EXOC1: variants seen among roughly 807,000 people sequenced by gnomAD.
The protein encoded by EXOC1 is SEC3-like 1.
EXOC1 carries 67 observed loss-of-function variants against 107.7 expected under a neutral mutation model. That is an observed-to-expected ratio of 0.62 (90% CI 0.51 to 0.76). The LOEUF is 0.76. Ranked by LOEUF, EXOC1 falls within the 30% of genes least tolerant of loss-of-function variation. EXOC1 has a pLI of 0.00. For missense variants in EXOC1, 833 were observed against 1,055.7 expected (o/e 0.79, Z 2.92); for synonymous variants, 348 against 353.5 (o/e 0.98, Z 0.17).
intron 12 of EXOC1, among the ~76,000 whole-genome samples, chr4:55,890,722 A>G (rs1246717499): frequency 6.6e-6 from 1 of 152,032 alleles, no homozygotes; most frequent in Non-Finnish European, 1.5e-5. Flanking sequence ...ACTAAATTAA[A>G]TAAGTTTTTT....
intron 4 of EXOC1, chr4:55,866,864 C>T: frequency 2.0e-6 from 2 of 985,208 alleles, no homozygotes; most frequent in Non-Finnish European, 2.4e-6. Context: ...ATACTTTTTA[C>T]TCTCCAGAAC....
At chr4:55,860,990 A>G (rs1355552500) in intron 3 of EXOC1, among the ~76,000 whole-genome samples, 1 of 151,846 alleles carries the variant, frequency 6.6e-6, no homozygotes, top group Admixed American at 6.6e-5. Context: ...ATAGTGGGTT[A>G]CATACCTTAT....
At position 55,896,858 on chromosome 4, in the gene EXOC1, G is replaced by T; in HGVS notation, c.2095G>T (p.Asp699Tyr). 1 of 1,609,138 alleles carries T rather than the reference G, an allele frequency of 6.2e-7. No individual in the cohort carries two copies. The highest frequency in any genetic ancestry group is 1.3e-5 in the African/African-American group (1 of 74,654). The change falls in exon 16 of 19, where the codon GAT becomes TAT. Residue 699 changes from aspartate (D) to tyrosine (Y), a missense_variant. This residue lies in a region of EXOC1 where 216 missense variants were observed against 354.4 expected (regional missense o/e 0.61). Coordinates refer to ENST00000381295, the MANE Select transcript of EXOC1 (RefSeq NM_001024924.2). ...AAATGCTGAGCGTCGTGGAGACCTGGATAAAGCATACACCAAACTTATCAG... is the reference window on the plus strand; with the variant it reads ...AAATGCTGAGCGTCGTGGAGACCTGTATAAAGCATACACCAAACTTATCAG... ...FKNAERRGDL[D>Y]KAYTKLIRGV... is the part of the protein sequence containing the mutation.
Position 55,899,669 on chromosome 4 carries a change from T to A in EXOC1, c.2138-16T>A. ...TACTCAGAGATGTTATTTTATTTTT[T>A]CTGTTTTGGTTTTAGTGGAGAAAGT... On this transcript the variant is annotated splice_polypyrimidine_tract_variant and intron_variant, in intron 16 of 18. Transcript: ENST00000381295. 6.3e-7 allele frequency: 1 copy of A among 1,596,504 alleles called. No homozygotes were observed. Among genetic ancestry groups the A allele is most frequent in the Non-Finnish European group, 8.5e-7 (1 of 1,173,214 alleles).
At chr4:55,900,853 G>A (rs926025753) in intron 17 of EXOC1, among the ~76,000 whole-genome samples, 1 of 152,112 alleles carries the variant, frequency 6.6e-6, no homozygotes, top group East Asian at 1.9e-4. Flanking sequence ...GCTCCAGCCT[G>A]GGCGACAGAG....
At chr4:55,863,488 G>A (rs935553089) in intron 3 of EXOC1, among the ~76,000 whole-genome samples, 8 of 152,024 alleles carry the variant, frequency 5.3e-5, no homozygotes, top group African/African-American at 1.4e-4. Context: ...GTATGTGTCC[G>A]TGTCCCCAGC....
chr4:55,894,946 G>A (rs978633596), intron 15 of EXOC1, among the ~76,000 whole-genome samples: 1 of 152,054 alleles, frequency 6.6e-6, no homozygotes, highest in African/African-American at 2.4e-5. Flanking sequence ...ATACTTGTAT[G>A]TATGAATTGG....
At chr4:55,863,746 C>A (rs1327040182) in intron 3 of EXOC1, among the ~76,000 whole-genome samples, 3 of 152,122 alleles carry the variant, frequency 2.0e-5, no homozygotes, top group Non-Finnish European at 4.4e-5. Context: ...GAAAGTACAC[C>A]AGGATATACA....
At chr4:55,878,760 C>T (rs1163651450) in intron 9 of EXOC1, among the ~76,000 whole-genome samples, 1 of 152,124 alleles carries the variant, frequency 6.6e-6, no homozygotes, top group Non-Finnish European at 1.5e-5. Context: ...GGGAAAAATA[C>T]ACGCTTGTCC....
intron 2 of EXOC1, among the ~76,000 whole-genome samples, chr4:55,859,658 A>G (rs1577688390): frequency 6.6e-6 from 1 of 152,178 alleles, no homozygotes; most frequent in Non-Finnish European, 1.5e-5. Context: ...ATTTTCAAGC[A>G]TGGTATTTGG....
chr4:55,883,803 C>G lies in EXOC1; in HGVS notation c.1225-20C>G, dbSNP rs749766572. On this transcript the variant is annotated intron_variant, in intron 9 of 18. Coordinates refer to ENST00000381295, the MANE Select transcript of EXOC1 (RefSeq NM_001024924.2). ...ATATGTGTTTTATTAATAAGAAGTA[C>G]ATGTTACTTTTATTTTAAGAATTAC... 7.7e-6 allele frequency: 11 copies of G among 1,433,592 alleles called. No individual in the cohort carries two copies. The highest frequency in any genetic ancestry group is 1.5e-5 in the African/African-American group (1 of 68,428). The allele number at this position is 1,433,592 out of a possible 1,614,324, so 88.8% of individuals were successfully genotyped here.
intron 15 of EXOC1, among the ~76,000 whole-genome samples, chr4:55,895,843 T>C (rs1725141928): frequency 1.3e-5 from 2 of 152,232 alleles, no homozygotes; most frequent in South Asian, 4.1e-4. Context: ...AATTAAATAA[T>C]GCAAATCCAT....
intron 8 of EXOC1, 160 bp from the exon 9 acceptor site, chr4:55,877,757 T>C: frequency 1.0e-6 from 1 of 984,338 alleles, no homozygotes; most frequent in Non-Finnish European, 1.2e-6. Flanking sequence ...ATAAAAGTTG[T>C]GTAAGTATTT....
At chr4:55,860,314 A>C in intron 2 of EXOC1, 97 bp from the exon 3 acceptor site, 1 of 1,478,332 alleles carries the variant, frequency 6.8e-7, no homozygotes, top group Non-Finnish European at 9.2e-7. Flanking sequence ...TTTTAGTATC[A>C]GCTACTAGGC....
intron 9 of EXOC1, chr4:55,882,835 A>G (rs1243188637): frequency 6.6e-6 from 1 of 152,148 alleles, no homozygotes; most frequent in East Asian, 1.9e-4. Context: ...AGGAAATTGA[A>G]GCTTAGATTT....
chr4:55,893,446 A>G (rs1724821577), intron 14 of EXOC1, 106 bp from the exon 15 acceptor site: 4 of 981,010 alleles, frequency 4.1e-6, no homozygotes, highest in Non-Finnish European at 6.0e-6. Context: ...TTGAAATTTA[A>G]TTATGGTATT....
chr4:55,862,670 A>G (rs898874464), intron 3 of EXOC1, among the ~76,000 whole-genome samples: 1 of 152,196 alleles, frequency 6.6e-6, no homozygotes, highest in African/African-American at 2.4e-5. Context: ...CTGCTGTAAT[A>G]TGATTGTTGT....
chr4:55,874,321 G>A (rs769579673), intron 8 of EXOC1, among the ~76,000 whole-genome samples: 2 of 151,768 alleles, frequency 1.3e-5, no homozygotes, highest in Non-Finnish European at 2.9e-5. Context: ...AATAAAATTC[G>A]GAGACTGACC....
At chr4:55,887,094 A>G (rs1055473430) in intron 10 of EXOC1, among the ~76,000 whole-genome samples, 2 of 152,164 alleles carry the variant, frequency 1.3e-5, no homozygotes, top group African/African-American at 4.8e-5. Context: ...TACAAATTTA[A>G]TGAAATGACA....
Sources: allele counts gnomAD v4.1 joint callset (sites outside exome capture counted in the v4.1 genomes callset), GRCh38; gene constraint gnomAD v4.1.1; regional missense constraint gnomAD v4.1.1; transcripts MANE v1.5; gene names NCBI Gene and HGNC (gene_info 2026-07-23, HGNC 2026-07-21).